MAGI2: variants seen among roughly 807,000 people sequenced by gnomAD.
MAGI2 encodes the protein membrane-associated guanylate kinase, WW and PDZ domain-containing protein 2.
Under a neutral mutation model 133.3 loss-of-function variants are expected in MAGI2, and 35 were observed. That is an observed-to-expected ratio of 0.26 (90% confidence interval 0.20 to 0.35). The LOEUF (loss-of-function observed/expected upper bound fraction) is 0.35, where lower values mean the gene tolerates loss of function less well. MAGI2 is among the 10% of genes least tolerant of loss of function. MAGI2 has a pLI of 1.00. For missense variants in MAGI2, 1,636 were observed against 1,863.4 expected (o/e 0.88, Z 2.25); for synonymous variants, 729 against 710.6 (o/e 1.03, Z -0.41).
At chr7:79,171,303 CCT>C (rs1825517893) in intron 1 of MAGI2, among the ~76,000 whole-genome samples, 1 of 151,974 alleles carries the variant, frequency 6.6e-6, no homozygotes, top group Non-Finnish European at 1.5e-5. Flanking sequence ...GTATTCTCCC[CCT>C]GAGTGTGCCT....
intron 1 of MAGI2, among the ~76,000 whole-genome samples, chr7:79,146,961 C>T (rs1822698872): frequency 6.6e-6 from 1 of 152,192 alleles, no homozygotes. Flanking sequence ...TTACCCGAAG[C>T]AAGAGTCTCT....
intron 1 of MAGI2, among the ~76,000 whole-genome samples, chr7:79,079,467 C>G (rs770252219): frequency 1.3e-5 from 2 of 152,066 alleles, no homozygotes; most frequent in African/African-American, 4.8e-5. Context: ...GGAAGAGGAA[C>G]ATTTAAACAA....
chr7:79,293,512 C>T (rs1445632361), intron 1 of MAGI2, among the ~76,000 whole-genome samples: 1 of 152,168 alleles, frequency 6.6e-6, no homozygotes, highest in East Asian at 1.9e-4. Flanking sequence ...CTACATAGTT[C>T]TTCAAGTAAG....
intron 10 of MAGI2, among the ~76,000 whole-genome samples, chr7:78,238,423 G>T (rs1038558349): frequency 6.6e-6 from 1 of 151,980 alleles, no homozygotes; most frequent in African/African-American, 2.4e-5. Flanking sequence ...GTAGTCCTCT[G>T]GGTGTGGTGG....
chr7:78,197,529 A>G (rs978060488), intron 11 of MAGI2, among the ~76,000 whole-genome samples: 1 of 152,192 alleles, frequency 6.6e-6, no homozygotes, highest in Non-Finnish European at 1.5e-5. Context: ...TGGTATTTCT[A>G]AAAAACAATC....
intron 1 of MAGI2, among the ~76,000 whole-genome samples, chr7:79,136,940 A>C (rs1585018857): frequency 6.6e-6 from 1 of 152,292 alleles, no homozygotes; most frequent in East Asian, 1.9e-4. Context: ...CATTGGTCCC[A>C]GGGGTCCACC....
At chr7:78,449,924 A>G (rs1365223749) in intron 6 of MAGI2, among the ~76,000 whole-genome samples, 1 of 152,044 alleles carries the variant, frequency 6.6e-6, no homozygotes, top group Non-Finnish European at 1.5e-5. Context: ...CTCATAGCAT[A>G]TTTTACAGGC....
At chr7:79,225,728 A>G (rs1282957328) in intron 1 of MAGI2, among the ~76,000 whole-genome samples, 1 of 152,186 alleles carries the variant, frequency 6.6e-6, no homozygotes, top group African/African-American at 2.4e-5. Context: ...TCTCTGGATT[A>G]AGGCAACTGA....
chr7:78,734,880 C>T (rs1386221524), intron 2 of MAGI2, among the ~76,000 whole-genome samples: 1 of 152,132 alleles, frequency 6.6e-6, no homozygotes, highest in Non-Finnish European at 1.5e-5. Context: ...TAAGCCCAGC[C>T]TAGTTCAGTG....
intron 1 of MAGI2, among the ~76,000 whole-genome samples, chr7:79,427,228 A>C (rs898973027): frequency 6.6e-6 from 1 of 152,142 alleles, no homozygotes; most frequent in Admixed American, 6.5e-5. Flanking sequence ...TGAATATCTA[A>C]ACTTGAAGAT....
At chr7:78,928,226 T>G (rs1799859305) in intron 2 of MAGI2, among the ~76,000 whole-genome samples, 1 of 151,912 alleles carries the variant, frequency 6.6e-6, no homozygotes, top group South Asian at 2.1e-4. Flanking sequence ...TGTCTGAAAC[T>G]CTAAAGAAAA....
chr7:79,092,085 C>A (rs1465958362), intron 1 of MAGI2, among the ~76,000 whole-genome samples: 1 of 152,096 alleles, frequency 6.6e-6, no homozygotes, highest in East Asian at 1.9e-4. Context: ...TGAAATTTTA[C>A]TGGATTTTTC....
chr7:78,178,614 T>C (rs2150683858), intron 13 of MAGI2, among the ~76,000 whole-genome samples: 1 of 151,238 alleles, frequency 6.6e-6, no homozygotes, highest in South Asian at 2.1e-4. Flanking sequence ...GTGTGTAGGG[T>C]ATAAACGTAT....
intron 2 of MAGI2, among the ~76,000 whole-genome samples, chr7:78,920,902 C>T (rs1467483572): frequency 6.6e-6 from 1 of 152,124 alleles, no homozygotes; most frequent in South Asian, 2.1e-4. Flanking sequence ...TGTTTTTATA[C>T]AAGACTTAAT....
rs1456296379 is a variant in MAGI2, at chr7:79,232,709, G to A, written c.301+220311C>T. On this transcript the variant is annotated intron_variant, in intron 1 of 21. Transcript: ENST00000354212. ...TTTTTTCTTTATTAGTCTGGCTAGC[G>A]GTCTATCAATTTTGTTGATCCTTTC... Among the ~76,000 whole-genome samples the A allele has an allele frequency of 2.4e-3, 313 of 130,018 alleles. 1 individual carries two copies. Among genetic ancestry groups the A allele is most frequent in the East Asian group, 0.011 (49 of 4,526 alleles). The allele number at this position is 130,018 out of a possible 152,430, so 85.3% of individuals were successfully genotyped here.
intron 1 of MAGI2, among the ~76,000 whole-genome samples, chr7:79,449,897 T>TATATATATATATACATATATATATATAA (rs1491494586): frequency 7.6e-6 from 1 of 132,326 alleles, no homozygotes; most frequent in Admixed American, 7.6e-5. Flanking sequence ...TATATATATA[T>TATATATATATATACATATATATATATAA]AATGTCTTAA....
At chr7:78,578,751 T>C (rs1056416479) in intron 3 of MAGI2, among the ~76,000 whole-genome samples, 9 of 152,130 alleles carry the variant, frequency 5.9e-5, no homozygotes, top group African/African-American at 2.2e-4. Context: ...TATTCCTCTA[T>C]TTGAATTGCT....
intron 3 of MAGI2, among the ~76,000 whole-genome samples, chr7:78,564,751 G>A (rs1426322976): frequency 6.7e-6 from 1 of 148,604 alleles, no homozygotes; most frequent in African/African-American, 2.5e-5. Context: ...TTCAGTCCAG[G>A]GCAAGTTACT....
intron 2 of MAGI2, among the ~76,000 whole-genome samples, chr7:78,956,002 G>A (rs1318473748): frequency 2.0e-5 from 3 of 151,626 alleles, no homozygotes; most frequent in Admixed American, 2.0e-4. Context: ...CTGCTAAGTT[G>A]TATGAATTTT....
Sources: gnomAD v4.1 joint callset for allele counts (sites outside exome capture counted in the v4.1 genomes callset) on GRCh38, gnomAD v4.1.1 for gene constraint, MANE v1.5 for transcripts, NCBI Gene and HGNC (gene_info 2026-07-23, HGNC 2026-07-21) for gene names.